Variants in DLG2 observed in about 807,000 individuals in gnomAD.
DLG2 encodes discs large MAGUK scaffold protein 2, also known as disks large homolog 2.
Under a neutral mutation model 132.5 loss-of-function variants are expected in DLG2, and 45 were observed. That is an observed-to-expected ratio of 0.34 (90% confidence interval 0.27 to 0.44). The LOEUF (loss-of-function observed/expected upper bound fraction) is 0.44, where lower values mean the gene tolerates loss of function less well. DLG2 is among the 20% of genes least tolerant of loss of function. The pLI is 1.00. For synonymous variants in DLG2, 424 were observed against 419.6 expected, an observed-to-expected ratio of 1.01 and a Z score of -0.13; for missense variants, 1,045 against 1,196.9, an observed-to-expected ratio of 0.87 and a Z score of 1.87.
At chr11:83,898,625 T>C (rs1483098559) in intron 15 of DLG2, among the ~76,000 whole-genome samples, 1 of 152,134 alleles carries the variant, frequency 6.6e-6, no homozygotes, top group Non-Finnish European at 1.5e-5. Context: ...TAAATCTCAT[T>C]GGCAAGAGTA....
chr11:83,577,341 T>C (rs939584449), intron 19 of DLG2, among the ~76,000 whole-genome samples: 1 of 149,612 alleles, frequency 6.7e-6, no homozygotes, highest in Non-Finnish European at 1.5e-5. Context: ...ATAGGAGATA[T>C]ATATATCTTA....
At chr11:83,667,746 G>T (rs2075897859) in intron 18 of DLG2, among the ~76,000 whole-genome samples, 1 of 152,008 alleles carries the variant, frequency 6.6e-6, no homozygotes, top group East Asian at 1.9e-4. Flanking sequence ...TTGGGAGGCC[G>T]AGGCGGGCGG....
At chr11:84,174,855 G>A (rs1488053310) in intron 8 of DLG2, among the ~76,000 whole-genome samples, 1 of 152,116 alleles carries the variant, frequency 6.6e-6, no homozygotes, top group Non-Finnish European at 1.5e-5. Flanking sequence ...TGCTACTACT[G>A]GATTTTGTTA....
At chr11:83,770,255 G>GTTTTTTTTTTT (rs143065797) in intron 18 of DLG2, among the ~76,000 whole-genome samples, 27 of 109,926 alleles carry the variant, frequency 2.5e-4, no homozygotes, top group African/African-American at 5.7e-4. Context: ...GGTGTCTGGT[G>GTTTTTTTTTTT]TTTTTTTTTG....
At chr11:85,622,828 G>A (rs561133991) in intron 2 of DLG2, among the ~76,000 whole-genome samples, 100 of 152,266 alleles carry the variant, frequency 6.6e-4, no homozygotes, top group Non-Finnish European at 1.2e-3. Context: ...GGGAGGCCAA[G>A]GTGGGTGGAT....
At chr11:83,866,942 C>A (rs1252550831) in intron 16 of DLG2, among the ~76,000 whole-genome samples, 1 of 152,158 alleles carries the variant, frequency 6.6e-6, no homozygotes, top group African/African-American at 2.4e-5. Flanking sequence ...AAACCAGAAG[C>A]CTACAGTTTG....
In DLG2 at chr11:85,289,371, A is replaced by T. The variant is rs573494474; in HGVS notation, c.41-4006T>A. ...TCTCTAGGCCCAGATCCCCCTTCCC[A>T]CACTTAGAAATCCTCCTTCTCCTTC... On this transcript the variant is annotated intron_variant, in intron 3 of 27. Coordinates refer to ENST00000376104, the MANE Select transcript of DLG2 (RefSeq NM_001142699.3). Among the ~76,000 whole-genome samples, 6 of 152,034 alleles carry T rather than the reference A, an allele frequency of 3.9e-5. No individual in the cohort carries two copies. In the East Asian group the frequency reaches 1.2e-3, roughly 29 times the overall value.
chr11:85,039,876 A>T (rs934858317), intron 6 of DLG2, among the ~76,000 whole-genome samples: 2 of 151,840 alleles, frequency 1.3e-5, no homozygotes, highest in Non-Finnish European at 2.9e-5. Flanking sequence ...TGAATGAATG[A>T]ATTTCCATAG....
chr11:85,525,294 T>A (rs1048715487), intron 3 of DLG2, among the ~76,000 whole-genome samples: 1 of 152,204 alleles, frequency 6.6e-6, no homozygotes, highest in Non-Finnish European at 1.5e-5. Context: ...ATCAGTGACA[T>A]CTACAAAGAA....
At chr11:85,523,541 C>T (rs1025068129) in intron 3 of DLG2, among the ~76,000 whole-genome samples, 1 of 152,112 alleles carries the variant, frequency 6.6e-6, no homozygotes, top group East Asian at 1.9e-4. Context: ...TTATCATCTC[C>T]CCCATTAAAA....
chr11:85,071,847 T>C (rs989193711), intron 6 of DLG2, among the ~76,000 whole-genome samples: 1 of 151,824 alleles, frequency 6.6e-6, no homozygotes, highest in Non-Finnish European at 1.5e-5. Context: ...TACATCTCTC[T>C]CTTGTGTTCA....
chr11:85,366,422 A>G (rs1291334171), intron 3 of DLG2, among the ~76,000 whole-genome samples: 1 of 152,148 alleles, frequency 6.6e-6, no homozygotes, highest in Non-Finnish European at 1.5e-5. Flanking sequence ...AGCCAGACTC[A>G]AAAACAAAAA....
chr11:84,258,909 C>T (rs1010812991), intron 7 of DLG2, among the ~76,000 whole-genome samples: 1 of 152,170 alleles, frequency 6.6e-6, no homozygotes, highest in Non-Finnish European at 1.5e-5. Context: ...GTCTTGCAAA[C>T]CCCCACTTAA....
intron 7 of DLG2, among the ~76,000 whole-genome samples, chr11:84,256,820 G>A (rs1440318484): frequency 6.6e-6 from 1 of 152,152 alleles, no homozygotes; most frequent in Non-Finnish European, 1.5e-5. Flanking sequence ...GTGTATGTGT[G>A]TGCATGTGTA....
intron 3 of DLG2, among the ~76,000 whole-genome samples, chr11:85,354,627 T>C (rs926317376): frequency 2.6e-5 from 4 of 151,972 alleles, no homozygotes; most frequent in African/African-American, 9.7e-5. Context: ...TTGAATATCA[T>C]CTTGATCTTT....
intron 16 of DLG2, among the ~76,000 whole-genome samples, chr11:83,842,439 C>G (rs543479196): frequency 7.2e-6 from 1 of 138,146 alleles, no homozygotes; most frequent in Middle Eastern, 4.2e-3. Context: ...ACTAAAAATA[C>G]AAAAATTAGC....
intron 6 of DLG2, among the ~76,000 whole-genome samples, chr11:84,645,756 C>G (rs1191161321): frequency 6.6e-6 from 1 of 152,190 alleles, no homozygotes; most frequent in Admixed American, 6.5e-5. Context: ...CGTGAGCCAC[C>G]GCGCCAGGCC....
At chr11:83,971,691 T>C (rs2091374923) in intron 12 of DLG2, among the ~76,000 whole-genome samples, 1 of 152,110 alleles carries the variant, frequency 6.6e-6, no homozygotes, top group Non-Finnish European at 1.5e-5. Context: ...AAGAAAACTC[T>C]AAAGTTAACT....
intron 16 of DLG2, among the ~76,000 whole-genome samples, chr11:83,868,857 G>A (rs898810515): frequency 6.6e-6 from 1 of 152,112 alleles, no homozygotes; most frequent in African/African-American, 2.4e-5. Context: ...AGGAAGTTGA[G>A]CATTCACACT....
Sources: gnomAD v4.1 joint callset for allele counts (sites outside exome capture counted in the v4.1 genomes callset) on GRCh38, gnomAD v4.1.1 for gene constraint, MANE v1.5 for transcripts, NCBI Gene and HGNC (gene_info 2026-07-23, HGNC 2026-07-21) for gene names.